Variants in MINDY2 observed in about 807,000 individuals in gnomAD.
The protein encoded by MINDY2 is ubiquitin carboxyl-terminal hydrolase MINDY-2.
MINDY2 carries 52 observed loss-of-function variants against 68.2 expected under a neutral mutation model. The ratio of observed to expected loss-of-function variants is 0.76; its 90% CI spans 0.61 to 0.96. MINDY2 has a LOEUF of 0.96. Ranked by LOEUF, MINDY2 falls within the 40% of genes least tolerant of loss-of-function variation. MINDY2 has a pLI of 0.00. For missense variants in MINDY2, 881 were observed against 773.4 expected (o/e 1.14, Z -1.65); for synonymous variants, 372 against 303.0 (o/e 1.23, Z -2.36).
chr15:58,847,708 A>C (rs1278799028), intron 7 of MINDY2, among the ~76,000 whole-genome samples: 1 of 152,228 alleles, frequency 6.6e-6, no homozygotes, highest in Admixed American at 6.5e-5. Context: ...ATTTTATTCT[A>C]ATTGCAGTAG....
intron 7 of MINDY2, among the ~76,000 whole-genome samples, chr15:58,851,200 C>T (rs1018568679): frequency 5.3e-5 from 8 of 151,870 alleles, no homozygotes; most frequent in Non-Finnish European, 2.9e-5. Context: ...TCTCGAACTC[C>T]TGGGCTCAAG....
At chr15:58,797,632 G>A (rs1479699592) in intron 2 of MINDY2, among the ~76,000 whole-genome samples, 2 of 152,210 alleles carry the variant, frequency 1.3e-5, no homozygotes, top group African/African-American at 4.8e-5. Flanking sequence ...CAACTGGACA[G>A]TGTTAAACTG....
At chr15:58,815,084 C>T (rs182163466) in intron 4 of MINDY2, among the ~76,000 whole-genome samples, 3 of 152,246 alleles carry the variant, frequency 2.0e-5, no homozygotes, top group Non-Finnish European at 2.9e-5. Context: ...TTAGCACTTA[C>T]ATTTATGAAT....
chr15:58,791,044 G>C (rs1366693142), intron 2 of MINDY2, among the ~76,000 whole-genome samples: 1 of 150,636 alleles, frequency 6.6e-6, no homozygotes, highest in Non-Finnish European at 1.5e-5. Flanking sequence ...GCTGGGAGTG[G>C]TGGCGGGCAC....
At chr15:58,832,708 G>C (rs971814046) in intron 6 of MINDY2, among the ~76,000 whole-genome samples, 1 of 150,330 alleles carries the variant, frequency 6.7e-6, no homozygotes, top group South Asian at 2.1e-4. Context: ...TGTGTTTTTA[G>C]TAGAGACAGG....
At chr15:58,806,239 A>G (rs1903000955) in intron 3 of MINDY2, among the ~76,000 whole-genome samples, 1 of 151,860 alleles carries the variant, frequency 6.6e-6, no homozygotes, top group African/African-American at 2.4e-5. Context: ...ACTCCTGGCT[A>G]ATTTTTTTAT....
At chr15:58,788,369 T>A (rs1901649824) in intron 2 of MINDY2, among the ~76,000 whole-genome samples, 1 of 152,224 alleles carries the variant, frequency 6.6e-6, no homozygotes, top group South Asian at 2.1e-4. Context: ...TATGCCAATC[T>A]ACAAAATGTT....
intron 2 of MINDY2, among the ~76,000 whole-genome samples, chr15:58,794,112 C>T (rs1015904045): frequency 2.0e-5 from 3 of 149,192 alleles, no homozygotes; most frequent in East Asian, 2.0e-4. Context: ...CAGGGTTGTG[C>T]GGTGGGGGAG....
intron 5 of MINDY2, among the ~76,000 whole-genome samples, chr15:58,828,684 C>T (rs1432914144): frequency 6.6e-6 from 1 of 150,984 alleles, no homozygotes; most frequent in Non-Finnish European, 1.5e-5. Flanking sequence ...CCTCAGCCTC[C>T]CGGGTAGCTG....
rs1325277301 is a variant in MINDY2, at chr15:58,856,752, G to A, written c.*2142G>A. ...TGTTTTTCCCGGGACAGATAGTAGT[G>A]ATAGTGCATTATATTTGAATAAGAA... On this transcript the variant is annotated 3_prime_UTR_variant, in exon 9 of 9. Transcript: ENST00000559228. 6.6e-6 allele frequency: 1 copy of A among 152,198 alleles called. No homozygotes were observed. The highest frequency in any genetic ancestry group is 6.5e-5 in the Admixed American group (1 of 15,280). 9.4% of individuals were successfully genotyped at this position (152,198 alleles called of 1,614,324 possible).
At chr15:58,835,758 G>T (rs2031964295) in intron 6 of MINDY2, among the ~76,000 whole-genome samples, 1 of 152,154 alleles carries the variant, frequency 6.6e-6, no homozygotes, top group Non-Finnish European at 1.5e-5. Flanking sequence ...GATAGAACAT[G>T]TATGCAAAGG....
At chr15:58,838,919 C>G (rs1262946234) in intron 6 of MINDY2, among the ~76,000 whole-genome samples, 1 of 151,802 alleles carries the variant, frequency 6.6e-6, no homozygotes, top group African/African-American at 2.4e-5. Context: ...CTTTATGCTT[C>G]TAAGTATTCA....
chr15:58,800,806 G>A (rs2140950907), intron 2 of MINDY2, among the ~76,000 whole-genome samples: 1 of 135,538 alleles, frequency 7.4e-6, no homozygotes, highest in East Asian at 2.2e-4. Context: ...CTGCACTCCA[G>A]CCTGGGCAAC....
rs749855963 is a variant in MINDY2, at chr15:58,787,903, C to G, written c.841-3C>G. The G allele has an allele frequency of 6.3e-7, 1 of 1,582,352 alleles. No individual in the cohort carries two copies. Among genetic ancestry groups the G allele is most frequent in the Non-Finnish European group, 8.6e-7 (1 of 1,164,036 alleles). The stretch of plus-strand genomic sequence containing the variant: ...TTTATAGAAATAATATTTTGTTTTT[C>G]AGGTGAAACTTCCACCGATGATGGA... On this transcript the variant is annotated splice_region_variant and splice_polypyrimidine_tract_variant and intron_variant, in intron 1 of 8. Coordinates refer to ENST00000559228, the MANE Select transcript of MINDY2 (RefSeq NM_001040450.3).
intron 6 of MINDY2, among the ~76,000 whole-genome samples, chr15:58,844,275 C>T (rs894147655): frequency 2.6e-5 from 4 of 151,966 alleles, no homozygotes; most frequent in African/African-American, 9.7e-5. Flanking sequence ...TGGCCGGGCA[C>T]GGTGGCTCAC....
intron 3 of MINDY2, among the ~76,000 whole-genome samples, chr15:58,807,901 GC>G (rs1432340841): frequency 6.6e-6 from 1 of 151,990 alleles, no homozygotes; most frequent in Non-Finnish European, 1.5e-5. Context: ...AATGCTCTTT[GC>G]CCAGAGCTTC....
intron 4 of MINDY2, among the ~76,000 whole-genome samples, chr15:58,814,328 C>G (rs975963445): frequency 5.9e-5 from 9 of 151,844 alleles, no homozygotes; most frequent in African/African-American, 2.2e-4. Flanking sequence ...TAAAATGTCT[C>G]TTCATGTCTT....
At chr15:58,773,917 A>G (rs1225483497) in intron 1 of MINDY2, among the ~76,000 whole-genome samples, 2 of 152,212 alleles carry the variant, frequency 1.3e-5, no homozygotes, top group Non-Finnish European at 2.9e-5. Context: ...GAAAAGGTGA[A>G]CAAGAGCCAT....
chr15:58,816,991 TTAAC>T (rs1443902664), intron 4 of MINDY2, among the ~76,000 whole-genome samples: 12 of 152,148 alleles, frequency 7.9e-5, no homozygotes, highest in African/African-American at 2.9e-4. Context: ...AAAAAAAAGT[TTAAC>T]TATAAAAAAT....
Sources: allele counts gnomAD v4.1 joint callset (sites outside exome capture counted in the v4.1 genomes callset), GRCh38; gene constraint gnomAD v4.1.1; transcripts MANE v1.5; gene names NCBI Gene and HGNC (gene_info 2026-07-23, HGNC 2026-07-21).